STX5: variants seen among roughly 807,000 people sequenced by gnomAD.
STX5 encodes syntaxin 5, also known as syntaxin-5.
STX5 carries 15 observed loss-of-function variants against 42.9 expected under a neutral mutation model. The ratio of observed to expected loss-of-function variants is 0.35; its 90% CI spans 0.23 to 0.54. The LOEUF (loss-of-function observed/expected upper bound fraction) is 0.54. Among genes scored for constraint, STX5 ranks in the 20% least tolerant of loss-of-function variants. The pLI, the probability that STX5 is intolerant of heterozygous loss-of-function variation, is 0.91. For synonymous variants in STX5, 184 were observed against 173.2 expected (o/e 1.06, Z -0.49); for missense variants, 430 against 455.0 (o/e 0.95, Z 0.50).
At chr11:62,819,825 TTGGGATTACAGGCA>T (rs1219287126) in intron 10 of STX5, among the ~76,000 whole-genome samples, 14 of 151,428 alleles carry the variant, frequency 9.2e-5, no homozygotes, top group African/African-American at 3.4e-4. Context: ...TCCTGAGTAG[TTGGGATTACAGGCA>T]TGTGTCACCA....
intron 10 of STX5, among the ~76,000 whole-genome samples, chr11:62,818,805 C>T (rs917039801): frequency 6.6e-6 from 1 of 151,206 alleles, no homozygotes; most frequent in Non-Finnish European, 1.5e-5. Flanking sequence ...GATCGTGCCA[C>T]TGCACTCCAG....
Position 62,825,267 on chromosome 11 carries a change from C to A in STX5, c.597+16G>T. ...TACTCCCATATTCCTACCCCTCCTA[C>A]GCAGATTGTTCTCACCTCTGTCCTC... On this transcript the variant is annotated intron_variant, in intron 7 of 10. Coordinates refer to ENST00000294179, the MANE Select transcript of STX5 (RefSeq NM_003164.5). The A allele has an allele frequency of 6.2e-7, 1 of 1,614,040 alleles. No individual in the cohort carries two copies. Among genetic ancestry groups the A allele is most frequent in the Non-Finnish European group, 8.5e-7 (1 of 1,180,022 alleles).
chr11:62,816,184 T>G (rs779695624), intron 10 of STX5: 1 of 152,182 alleles, frequency 6.6e-6, no homozygotes, highest in Non-Finnish European at 1.5e-5. Flanking sequence ...AAAATAAAGA[T>G]AAAGCTAATC....
chr11:62,828,738 T>TAAAC (rs1323579864), intron 2 of STX5, among the ~76,000 whole-genome samples: 26 of 121,546 alleles, frequency 2.1e-4, no homozygotes, highest in Admixed American at 4.8e-4. Context: ...AATAAATAAA[T>TAAAC]AAATAAATAA....
At chr11:62,826,945 G>C (rs2084803137) in intron 5 of STX5, among the ~76,000 whole-genome samples, 1 of 151,756 alleles carries the variant, frequency 6.6e-6, no homozygotes, top group East Asian at 1.9e-4. Flanking sequence ...CTACCACTCA[G>C]GAGGCTCAGG....
intron 2 of STX5, 95 bp downstream of exon 2, chr11:62,830,923 AC>A (rs1230065108): frequency 8.8e-7 from 1 of 1,139,246 alleles, no homozygotes. Flanking sequence ...TCCATCAGGT[AC>A]CCCCCAAAAT....
At chr11:62,819,220 G>GGA (rs2084710645) in intron 10 of STX5, among the ~76,000 whole-genome samples, 1 of 29,600 alleles carries the variant, frequency 3.4e-5, no homozygotes, top group Non-Finnish European at 5.4e-5. Context: ...GACTCTGTCT[G>GGA]AAAAAAAAAA....
Position 62,807,495 on chromosome 11 carries a change from T to C in STX5, c.1042A>G (p.Ile348Val). The C allele has an allele frequency of 6.2e-7, 1 of 1,613,980 alleles. No homozygotes were observed. Among genetic ancestry groups the C allele is most frequent in the Non-Finnish European group, 8.5e-7 (1 of 1,179,990 alleles). Reference sequence around the variant, plus strand: ...CAAGCAAGGAAGACCACAAAGATGATGAAGAAGACAATGAGGATGAGGAAG... The same window carrying C: ...CAAGCAAGGAAGACCACAAAGATGACGAAGAAGACAATGAGGATGAGGAAG... ...KIFLILIVFF[I>V]IFVVFLA Residue 348 changes from isoleucine to valine, a missense_variant, in exon 11 of 11, where the codon ATC becomes GTC. Transcript: ENST00000294179.
At chr11:62,818,790 G>C (rs758208242) in intron 10 of STX5, among the ~76,000 whole-genome samples, 1 of 151,864 alleles carries the variant, frequency 6.6e-6, no homozygotes, top group African/African-American at 2.4e-5. Flanking sequence ...GCTGCAGTGA[G>C]CCATGATCGT....
chr11:62,813,941 C>G (rs978613689), intron 10 of STX5, among the ~76,000 whole-genome samples: 1 of 152,112 alleles, frequency 6.6e-6, no homozygotes, highest in Non-Finnish European at 1.5e-5. Flanking sequence ...ATTCTCCCAT[C>G]TTTCTCCTAT....
At chr11:62,818,779 G>A (rs1008082019) in intron 10 of STX5, among the ~76,000 whole-genome samples, 2 of 150,938 alleles carry the variant, frequency 1.3e-5, no homozygotes, top group African/African-American at 4.9e-5. Context: ...GGGAGGTCAA[G>A]GCTGCAGTGA....
intron 2 of STX5, among the ~76,000 whole-genome samples, chr11:62,829,598 T>A (rs1184950158): frequency 6.6e-6 from 1 of 151,824 alleles, no homozygotes; most frequent in Non-Finnish European, 1.5e-5. Context: ...ACCCCATCTC[T>A]ACTAACAAAA....
intron 10 of STX5, among the ~76,000 whole-genome samples, chr11:62,816,968 T>C (rs1321125509): frequency 6.6e-6 from 1 of 152,002 alleles, no homozygotes; most frequent in Admixed American, 6.6e-5. Context: ...TCTTGTTTGT[T>C]TGTTTTTCTG....
chr11:62,823,327 A>G (rs982855988), intron 10 of STX5, among the ~76,000 whole-genome samples: 1 of 151,856 alleles, frequency 6.6e-6, no homozygotes, highest in Admixed American at 6.6e-5. Flanking sequence ...GGCACACGCA[A>G]CCATGTCCAG....
At chr11:62,810,230 T>C (rs1307917040) in intron 10 of STX5, among the ~76,000 whole-genome samples, 1 of 152,096 alleles carries the variant, frequency 6.6e-6, no homozygotes, top group Non-Finnish European at 1.5e-5. Flanking sequence ...TTGCTTGAGT[T>C]CAGGAGTTCA....
intron 2 of STX5, among the ~76,000 whole-genome samples, chr11:62,829,509 A>G (rs538232262): frequency 6.6e-6 from 1 of 152,236 alleles, no homozygotes; most frequent in Non-Finnish European, 1.5e-5. Context: ...GACACCTGTA[A>G]TCCCAGCACT....
At position 62,807,026 on chromosome 11, in the gene STX5, TGAAAGAGGAA is replaced by T. The variant is rs1307571900; in HGVS notation, c.*433_*442del. The T allele has an allele frequency of 2.8e-4, 45 of 158,404 alleles. No homozygotes were observed. The highest frequency in any genetic ancestry group is 4.8e-4 in the Admixed American group (8 of 16,510). 9.8% of individuals were successfully genotyped at this position (158,404 alleles called of 1,614,324 possible). ...GCTCAGGGCTCCCTGCCTCACATGG[TGAAAGAGGAA>T]GAAAGAGGTCAATTGGGAAAATTGG... On this transcript the variant is annotated 3_prime_UTR_variant, in exon 11 of 11. Coordinates refer to ENST00000294179, the MANE Select transcript of STX5 (RefSeq NM_003164.5).
At chr11:62,826,488 C>G (rs948976713) in intron 5 of STX5, among the ~76,000 whole-genome samples, 4 of 147,932 alleles carry the variant, frequency 2.7e-5, no homozygotes, top group Admixed American at 1.3e-4. Context: ...ACCCAGGAGA[C>G]AGAGGTTGCA....
At chr11:62,824,612 G>C in intron 8 of STX5, 47 bp from the exon 9 acceptor site, 1 of 1,580,628 alleles carries the variant, frequency 6.3e-7, no homozygotes, top group Non-Finnish European at 8.7e-7. Flanking sequence ...TTAAAAGCAG[G>C]TTCAAAGCCC....
Sources: gnomAD v4.1 joint callset for allele counts (sites outside exome capture counted in the v4.1 genomes callset) on GRCh38, gnomAD v4.1.1 for gene constraint, MANE v1.5 for transcripts, NCBI Gene and HGNC (gene_info 2026-07-23, HGNC 2026-07-21) for gene names.